The following KIF21A variants were observed in gnomAD, a reference collection of about 807,000 sequenced individuals.
The protein encoded by KIF21A is kinesin-like protein KIF21A.
A neutral mutation model predicts 202.9 loss-of-function variants in KIF21A; 114 were observed. The observed-to-expected ratio is 0.56, with a 90% CI of 0.48 to 0.66. KIF21A has a LOEUF of 0.66. KIF21A is among the 30% of genes least tolerant of loss of function. The probability of loss-of-function intolerance (pLI) is 0.00; values close to 1 mark genes in which losing one functional copy is unlikely to be tolerated. For synonymous variants in KIF21A, 667 were observed against 670.8 expected (o/e 0.99, Z 0.09); for missense variants, 1,677 against 1,994.9 (o/e 0.84, Z 3.04).
Position 39,358,365 on chromosome 12 carries a change from ATTGT to A in KIF21A, c.1024_1027del (p.Thr342SerfsTer2). On this transcript the variant is annotated frameshift_variant, in exon 8 of 38. Coordinates refer to ENST00000361418, the MANE Select transcript of KIF21A (RefSeq NM_001173464.2). LOFTEE classifies it high-confidence loss of function. ...TGAAGGGCTGACACATGCTATCATG[ATTGT>A]TTGGCTGAAAGTTACAAATAATAGT... The A allele has an allele frequency of 1.9e-6, 3 of 1,613,982 alleles. No homozygotes were observed. Among genetic ancestry groups the A allele is most frequent in the Non-Finnish European group, 2.5e-6 (3 of 1,179,890 alleles).
intron 1 of KIF21A, among the ~76,000 whole-genome samples, chr12:39,380,908 G>A (rs1296704572): frequency 1.3e-5 from 2 of 151,936 alleles, no homozygotes; most frequent in Non-Finnish European, 2.9e-5. Context: ...ATTATATACA[G>A]AATTTTCAAA....
At chr12:39,420,220 C>T (rs555891915) in intron 1 of KIF21A, among the ~76,000 whole-genome samples, 3 of 152,020 alleles carry the variant, frequency 2.0e-5, no homozygotes, top group African/African-American at 7.2e-5. Flanking sequence ...TGCCATTTCA[C>T]TGGAATTTTG....
At position 39,295,706 on chromosome 12, in the gene KIF21A, T is replaced by G. The variant is rs1467381879; in HGVS notation, c.4932-1189A>C. On this transcript the variant is annotated intron_variant, in intron 37 of 37. Coordinates refer to ENST00000361418, the MANE Select transcript of KIF21A (RefSeq NM_001173464.2). ...GCTTGGGATATGTTTTTTTTTTTTT[T>G]TTTTTTTTTTTTTGACAGAATCTCG... Among the ~76,000 whole-genome samples the G allele has an allele frequency of 2.8e-5, 4 of 143,896 alleles. No individual in the cohort carries two copies. The East Asian group carries it at 6.1e-4, about 22-fold the overall frequency. 94.4% of individuals were successfully genotyped at this position (143,896 alleles called of 152,430 possible).
chr12:39,306,053 CTG>C (rs1943443241), intron 34 of KIF21A, among the ~76,000 whole-genome samples: 1 of 152,174 alleles, frequency 6.6e-6, no homozygotes, highest in Non-Finnish European at 1.5e-5. Context: ...TGGTAGAAAA[CTG>C]TGTGATGTCA....
At chr12:39,320,076 T>C (rs1006149390) in intron 27 of KIF21A, 63 bp from the exon 28 acceptor site, 5 of 903,962 alleles carry the variant, frequency 5.5e-6, no homozygotes, top group Admixed American at 4.1e-5. Flanking sequence ...CTTTGGTAGA[T>C]AGTCAATCTA....
intron 11 of KIF21A, among the ~76,000 whole-genome samples, chr12:39,350,475 T>C (rs563520058): frequency 1.3e-5 from 2 of 152,186 alleles, no homozygotes; most frequent in South Asian, 4.1e-4. Context: ...ATTTGACATT[T>C]TGACCAACTA....
At chr12:39,337,268 A>G (rs1466776434) in intron 16 of KIF21A, 65 bp from the exon 17 acceptor site, 2 of 1,015,856 alleles carry the variant, frequency 2.0e-6, no homozygotes. Context: ...AATCAACCAC[A>G]TATATGGAAG....
intron 1 of KIF21A, among the ~76,000 whole-genome samples, chr12:39,421,863 AAAT>A (rs1246864276): frequency 1.4e-5 from 2 of 147,768 alleles, no homozygotes; most frequent in African/African-American, 4.9e-5. Context: ...TTATATATAT[AAAT>A]AATAAACATA....
At chr12:39,388,888 C>T (rs1951141245) in intron 1 of KIF21A, among the ~76,000 whole-genome samples, 1 of 152,094 alleles carries the variant, frequency 6.6e-6, no homozygotes, top group South Asian at 2.1e-4. Flanking sequence ...AAGCTCTAAA[C>T]ATACTGAAAC....
intron 37 of KIF21A, 122 bp downstream of exon 37, chr12:39,301,344 AAGACATCTTAAAAC>A: frequency 1.2e-6 from 1 of 809,586 alleles, no homozygotes; most frequent in Non-Finnish European, 2.1e-6. Context: ...AAATATGAAT[AAGACATCTTAAAAC>A]AGACATTAGA....
chr12:39,421,235 T>C (rs1165029449), intron 1 of KIF21A, among the ~76,000 whole-genome samples: 1 of 152,204 alleles, frequency 6.6e-6, no homozygotes, highest in Non-Finnish European at 1.5e-5. Context: ...CGCTCTATCA[T>C]ATACCCTAAG....
intron 37 of KIF21A, among the ~76,000 whole-genome samples, chr12:39,295,618 C>G (rs945156536): frequency 1.3e-5 from 2 of 150,620 alleles, no homozygotes; most frequent in Non-Finnish European, 1.5e-5. Context: ...TCAAGCATTG[C>G]ATTTATTCAT....
chr12:39,338,774 T>G (rs1947196836), intron 16 of KIF21A, among the ~76,000 whole-genome samples: 1 of 152,148 alleles, frequency 6.6e-6, no homozygotes, highest in South Asian at 2.1e-4. Flanking sequence ...GCATCATGTC[T>G]AAAAAAATAA....
chr12:39,378,949 A>C (rs1950434946), intron 1 of KIF21A, among the ~76,000 whole-genome samples: 1 of 152,150 alleles, frequency 6.6e-6, no homozygotes, highest in Non-Finnish European at 1.5e-5. Context: ...AGAAAAAGTC[A>C]GTTCGGGGAA....
intron 16 of KIF21A, among the ~76,000 whole-genome samples, 170 bp downstream of exon 16, chr12:39,339,995 G>A (rs975798628): frequency 5.9e-5 from 9 of 152,152 alleles, no homozygotes; most frequent in Admixed American, 2.0e-4. Context: ...AGGCTTGGAT[G>A]AGGAATGACT....
intron 35 of KIF21A, among the ~76,000 whole-genome samples, chr12:39,304,184 T>G (rs898133282): frequency 6.6e-6 from 1 of 152,208 alleles, no homozygotes; most frequent in Non-Finnish European, 1.5e-5. Flanking sequence ...TTAATCAAAG[T>G]TTCTAGAATG....
At chr12:39,344,385 T>A (rs1403042553) in intron 12 of KIF21A, among the ~76,000 whole-genome samples, 3 of 152,168 alleles carry the variant, frequency 2.0e-5, no homozygotes, top group Admixed American at 6.5e-5. Context: ...TAGGGAGACA[T>A]CTCCCAGCAG....
chr12:39,300,716 T>TTA (rs1565626505), intron 37 of KIF21A, among the ~76,000 whole-genome samples: 2 of 152,098 alleles, frequency 1.3e-5, no homozygotes, highest in Admixed American at 6.6e-5. Flanking sequence ...ATAATGTCAT[T>TTA]TATATATATA....
chr12:39,358,145 T>C (rs537349378), intron 8 of KIF21A, 33 bp downstream of exon 8: 1 of 1,589,154 alleles, frequency 6.3e-7, no homozygotes, highest in South Asian at 1.1e-5. Context: ...CTTAGATGTA[T>C]CACAAAATGC....
Sources: gnomAD v4.1 joint callset for allele counts (sites outside exome capture counted in the v4.1 genomes callset) on GRCh38, gnomAD v4.1.1 for gene constraint, MANE v1.5 for transcripts, NCBI Gene and HGNC (gene_info 2026-07-23, HGNC 2026-07-21) for gene names.